The following SOX6 variants were observed in gnomAD, a reference collection of about 807,000 sequenced individuals.
SOX6 encodes SRY-box transcription factor 6.
In SOX6, 11 loss-of-function variants were observed where a neutral mutation model predicts 97.8. The ratio of observed to expected loss-of-function variants is 0.11; its 90% CI spans 0.07 to 0.19. The LOEUF is 0.19. SOX6 is among the 10% of genes least tolerant of loss of function. The pLI, the probability that SOX6 is intolerant of heterozygous loss-of-function variation, is 1.00. For missense variants in SOX6, 810 were observed against 1,039.5 expected (o/e 0.78, Z 3.04); for synonymous variants, 360 against 371.4 (o/e 0.97, Z 0.35).
At chr11:16,041,357 C>G (rs986450284) in intron 12 of SOX6, among the ~76,000 whole-genome samples, 1 of 152,010 alleles carries the variant, frequency 6.6e-6, no homozygotes, top group African/African-American at 2.4e-5. Context: ...ATTGACAATG[C>G]GAAGCAGAAG....
intron 15 of SOX6, among the ~76,000 whole-genome samples, chr11:15,978,685 AATTTAT>A (rs1853566628): frequency 6.7e-6 from 1 of 149,286 alleles, no homozygotes; most frequent in Non-Finnish European, 1.5e-5. Flanking sequence ...ACAACGTCCC[AATTTAT>A]ATCTCCAGTA....
intron 9 of SOX6, among the ~76,000 whole-genome samples, chr11:16,081,229 C>T (rs1176114315): frequency 6.6e-6 from 1 of 152,032 alleles, no homozygotes; most frequent in Non-Finnish European, 1.5e-5. Context: ...TGGACTCGTA[C>T]CCCTAGACTG....
chr11:16,060,822 A>G (rs1847929909), intron 9 of SOX6, among the ~76,000 whole-genome samples: 1 of 151,904 alleles, frequency 6.6e-6, no homozygotes, highest in Non-Finnish European at 1.5e-5. Flanking sequence ...GGTGTTTATC[A>G]GTATTTTAAA....
At chr11:16,719,837 T>C (rs1244972755) in intron 2 of SOX6, among the ~76,000 whole-genome samples, 3 of 152,004 alleles carry the variant, frequency 2.0e-5, no homozygotes, top group Non-Finnish European at 4.4e-5. Flanking sequence ...GGTGACAGGA[T>C]TGCTTGATCC....
At chr11:16,341,384 C>A in intron 1 of SOX6, 132 bp from the exon 2 acceptor site, 1 of 1,318,284 alleles carries the variant, frequency 7.6e-7, no homozygotes, top group Non-Finnish European at 1.0e-6. Context: ...CACTCTAAAC[C>A]CCTGAAAAAG....
chr11:16,705,223 A>G lies in SOX6; in HGVS notation n.429+9607T>C, dbSNP rs78779282. Among the ~76,000 whole-genome samples, 14 of 151,578 alleles carry G rather than the reference A, an allele frequency of 9.2e-5. No homozygotes were observed. In the East Asian group the frequency reaches 2.5e-3, roughly 27 times the overall value. ...CAATGAGCCAAAATCATGCCATTGC[A>G]CTCCTGCCTGGGCGACAGAGCAAGA... is the stretch of plus-strand genomic sequence containing the variant. On this transcript the variant is annotated intron_variant and non_coding_transcript_variant, in intron 3 of 5. Coordinates refer to the SOX6 transcript ENST00000524520.
chr11:16,713,491 A>G (rs1848196232), intron 3 of SOX6, among the ~76,000 whole-genome samples: 1 of 152,174 alleles, frequency 6.6e-6, no homozygotes, highest in African/African-American at 2.4e-5. Flanking sequence ...GAAACAATAA[A>G]TAAATAAGTA....
chr11:16,683,394 C>T (rs917797380), intron 3 of SOX6, among the ~76,000 whole-genome samples: 1 of 151,886 alleles, frequency 6.6e-6, no homozygotes. Context: ...GATATATAGA[C>T]CAATAGAACA....
chr11:16,360,847 C>T (rs1014770288), upstream of SOX6, among the ~76,000 whole-genome samples: 1 of 151,834 alleles, frequency 6.6e-6, no homozygotes, highest in Non-Finnish European at 1.5e-5. Flanking sequence ...ACTAAAAATA[C>T]AAAAAGTTGG....
At chr11:16,538,322 G>A (rs941093216) in intron 4 of SOX6, among the ~76,000 whole-genome samples, 4 of 152,190 alleles carry the variant, frequency 2.6e-5, no homozygotes, top group Admixed American at 2.6e-4. Flanking sequence ...GCTCCTGAAG[G>A]AAGCACTAAA....
At chr11:16,546,111 C>CA (rs77740767) in intron 4 of SOX6, among the ~76,000 whole-genome samples, 1,854 of 149,534 alleles carry the variant, frequency 0.012, 33 homozygotes, top group African/African-American at 0.043. Context: ...AAAGCAACAA[C>CA]AAAAAAAAAT....
intron 3 of SOX6, among the ~76,000 whole-genome samples, chr11:16,306,871 G>A (rs956797223): frequency 3.3e-5 from 5 of 151,894 alleles, no homozygotes; most frequent in African/African-American, 9.7e-5. Context: ...TGATCCACCC[G>A]CCTCAGCCTC....
At chr11:16,366,602 C>T (rs297323) in intron 1 of SOX6, among the ~76,000 whole-genome samples, 1 of 152,164 alleles carries the variant, frequency 6.6e-6, no homozygotes, top group Non-Finnish European at 1.5e-5. Context: ...CTACCACAGA[C>T]AACTGATTAC....
At chr11:16,621,644 A>G (rs1445068872) in intron 3 of SOX6, among the ~76,000 whole-genome samples, 1 of 152,216 alleles carries the variant, frequency 6.6e-6, no homozygotes, top group African/African-American at 2.4e-5. Context: ...AGTTTAATAA[A>G]TCAACTATTA....
intron 4 of SOX6, among the ~76,000 whole-genome samples, chr11:16,225,198 C>CT (rs1303491651): frequency 6.6e-6 from 1 of 151,752 alleles, no homozygotes; most frequent in Non-Finnish European, 1.5e-5. Context: ...TGTTTTGATA[C>CT]TTTTTTCTAA....
chr11:16,152,098 C>T (rs1564985652), intron 6 of SOX6, among the ~76,000 whole-genome samples: 1 of 152,186 alleles, frequency 6.6e-6, no homozygotes, highest in Non-Finnish European at 1.5e-5. Context: ...GGGAACACCA[C>T]AGATGTTTTT....
intron 3 of SOX6, among the ~76,000 whole-genome samples, chr11:16,664,198 A>T (rs905197094): frequency 3.9e-5 from 6 of 152,230 alleles, no homozygotes; most frequent in African/African-American, 1.4e-4. Context: ...AACTATCCAC[A>T]TGCAAAAAAA....
intron 1 of SOX6, among the ~76,000 whole-genome samples, chr11:16,393,787 T>A (rs1013677449): frequency 3.9e-5 from 6 of 152,094 alleles, no homozygotes; most frequent in Admixed American, 1.3e-4. Flanking sequence ...CTGGAAATTG[T>A]TAACTACTTT....
At chr11:16,122,310 T>C (rs376818973) in intron 6 of SOX6, among the ~76,000 whole-genome samples, 1 of 152,056 alleles carries the variant, frequency 6.6e-6, no homozygotes, top group East Asian at 1.9e-4. Context: ...CTAGTGAAGA[T>C]GAATGTTTCC....
Sources: gnomAD v4.1 joint callset for allele counts (sites outside exome capture counted in the v4.1 genomes callset) on GRCh38, gnomAD v4.1.1 for gene constraint, MANE v1.5 for transcripts, NCBI Gene and HGNC (gene_info 2026-07-23, HGNC 2026-07-21) for gene names.